The following THSD7B variants were observed in gnomAD, a reference collection of about 807,000 sequenced individuals.
THSD7B encodes thrombospondin type-1 domain-containing protein 7B.
A neutral mutation model predicts 213.6 loss-of-function variants in THSD7B; 138 were observed. The observed-to-expected ratio is 0.65, with a 90% CI of 0.56 to 0.74. THSD7B has a LOEUF of 0.74. Ranked by LOEUF, THSD7B falls within the 30% of genes least tolerant of loss-of-function variation. The pLI is 0.00. For missense variants in THSD7B, 1,931 were observed against 1,991.5 expected (o/e 0.97, Z 0.58); for synonymous variants, 742 against 687.0 (o/e 1.08, Z -1.25).
At chr2:136,843,655 T>C (rs114004123) in intron 1 of THSD7B, among the ~76,000 whole-genome samples, 2,311 of 152,272 alleles carry the variant, frequency 0.015, 55 homozygotes, top group African/African-American at 0.053. Context: ...GTGGCTTGCA[T>C]CTACTTTTAC....
At chr2:137,194,971 A>T (rs148204789) in intron 7 of THSD7B, among the ~76,000 whole-genome samples, 1 of 152,194 alleles carries the variant, frequency 6.6e-6, no homozygotes, top group African/African-American at 2.4e-5. Context: ...AAACAGTGGG[A>T]AATCTTGCCT....
chr2:137,565,371 A>G (rs560554520), intron 16 of THSD7B, among the ~76,000 whole-genome samples: 2 of 152,056 alleles, frequency 1.3e-5, no homozygotes, highest in Non-Finnish European at 2.9e-5. Flanking sequence ...GGGTTTTAGT[A>G]CTCTTTCATA....
At chr2:136,791,766 T>C (rs965788138) in intron 1 of THSD7B, among the ~76,000 whole-genome samples, 5 of 152,120 alleles carry the variant, frequency 3.3e-5, no homozygotes, top group African/African-American at 1.2e-4. Context: ...ATTGTATGGA[T>C]ACACCACGTT....
At chr2:136,769,208 T>A (rs2104896847) in intron 1 of THSD7B, among the ~76,000 whole-genome samples, 1 of 152,330 alleles carries the variant, frequency 6.6e-6, no homozygotes, top group Non-Finnish European at 1.5e-5. Context: ...TTTGGTCATC[T>A]TGTAAGTATC....
chr2:137,020,041 C>T (rs1338648652), intron 2 of THSD7B, among the ~76,000 whole-genome samples: 1 of 152,104 alleles, frequency 6.6e-6, no homozygotes, highest in Non-Finnish European at 1.5e-5. Flanking sequence ...GCACAGACCT[C>T]GAAACATATC....
At chr2:137,091,920 A>G (rs909828468) in intron 3 of THSD7B, among the ~76,000 whole-genome samples, 2 of 152,148 alleles carry the variant, frequency 1.3e-5, no homozygotes, top group Non-Finnish European at 2.9e-5. Context: ...CAATAGAAAG[A>G]GGTTGTCCCC....
chr2:137,192,819 CT>C (rs1427908697), intron 7 of THSD7B, among the ~76,000 whole-genome samples: 1 of 152,112 alleles, frequency 6.6e-6, no homozygotes, highest in Non-Finnish European at 1.5e-5. Context: ...CCTCATTCAC[CT>C]TTACCTTTGG....
At chr2:137,625,352 CATT>C (rs1011879348) in intron 20 of THSD7B, among the ~76,000 whole-genome samples, 1 of 150,378 alleles carries the variant, frequency 6.6e-6, no homozygotes, top group African/African-American at 2.5e-5. Context: ...GGAGGGATAA[CATT>C]AGGGGAAATA....
At chr2:136,961,595 C>T (rs904660336) in intron 2 of THSD7B, among the ~76,000 whole-genome samples, 3 of 152,130 alleles carry the variant, frequency 2.0e-5, no homozygotes, top group African/African-American at 7.2e-5. Context: ...CTCAGTACCC[C>T]TTACTATGGA....
Position 137,259,193 on chromosome 2 carries a change from A to G in THSD7B, c.2267-13340A>G, listed in dbSNP as rs561845516. ...TAGAATGATTTATAATCCTTTGGGT[A>G]TATACCCAGTGATGGGGTTGGTGGG... On this transcript the variant is annotated intron_variant, in intron 10 of 27. Transcript: ENST00000409968. Among the ~76,000 whole-genome samples, 3 of 152,284 alleles carry G rather than the reference A, an allele frequency of 2.0e-5. No homozygotes were observed. In the East Asian group the frequency reaches 5.8e-4, roughly 29 times the overall value.
intron 12 of THSD7B, among the ~76,000 whole-genome samples, chr2:137,281,337 T>C (rs534225875): frequency 1.6e-4 from 25 of 152,176 alleles, no homozygotes; most frequent in Non-Finnish European, 2.9e-4. Context: ...AAATTAGTTG[T>C]GGATTACCTT....
At chr2:137,262,994 C>T (rs984255227) in intron 10 of THSD7B, among the ~76,000 whole-genome samples, 3 of 152,070 alleles carry the variant, frequency 2.0e-5, no homozygotes, top group Admixed American at 1.3e-4. Context: ...CAAAGTGGGT[C>T]ACTATTTGAT....
chr2:137,621,969 A>G (rs1339612604), intron 20 of THSD7B, among the ~76,000 whole-genome samples: 1 of 152,180 alleles, frequency 6.6e-6, no homozygotes, highest in African/African-American at 2.4e-5. Flanking sequence ...AGAGAAACTG[A>G]GGAAGCAAGA....
chr2:137,559,252 G>T (rs566290559), intron 15 of THSD7B, among the ~76,000 whole-genome samples: 19 of 152,238 alleles, frequency 1.2e-4, no homozygotes, highest in Admixed American at 1.2e-3. Flanking sequence ...AGCCCGCATT[G>T]CCAAGTCAAT....
At chr2:137,478,167 G>T (rs1360008242) in intron 15 of THSD7B, among the ~76,000 whole-genome samples, 1 of 151,960 alleles carries the variant, frequency 6.6e-6, no homozygotes, top group Non-Finnish European at 1.5e-5. Context: ...CTATTACTTT[G>T]TTAAATAGGT....
intron 3 of THSD7B, among the ~76,000 whole-genome samples, chr2:137,065,629 T>C (rs1490591996): frequency 6.6e-6 from 1 of 152,080 alleles, no homozygotes; most frequent in African/African-American, 2.4e-5. Flanking sequence ...CCTCTCTTCC[T>C]CTGTCCTCTC....
At chr2:137,063,611 A>G (rs976976214) in intron 3 of THSD7B, among the ~76,000 whole-genome samples, 1 of 151,782 alleles carries the variant, frequency 6.6e-6, no homozygotes, top group Non-Finnish European at 1.5e-5. Context: ...AGCAAATACT[A>G]GGTTGTATTC....
chr2:137,553,951 C>T (rs1432148022), intron 15 of THSD7B, among the ~76,000 whole-genome samples: 1 of 151,630 alleles, frequency 6.6e-6, no homozygotes, highest in Non-Finnish European at 1.5e-5. Flanking sequence ...TGTTTTTGGT[C>T]CTCTAGATAA....
chr2:137,182,576 G>A (rs780156875), intron 7 of THSD7B, among the ~76,000 whole-genome samples: 36 of 152,138 alleles, frequency 2.4e-4, no homozygotes, highest in African/African-American at 8.2e-4. Context: ...GTATGTTTCC[G>A]CATCCTGTAT....
Sources: allele counts gnomAD v4.1 joint callset (sites outside exome capture counted in the v4.1 genomes callset), GRCh38; gene constraint gnomAD v4.1.1; transcripts MANE v1.5; gene names NCBI Gene and HGNC (gene_info 2026-07-23, HGNC 2026-07-21).